CD4: variants seen among roughly 807,000 people sequenced by gnomAD.
CD4 encodes the protein T-cell surface glycoprotein CD4.
CD4 carries 25 observed loss-of-function variants against 50.5 expected under a neutral mutation model. The observed-to-expected ratio is 0.49, with a 90% CI of 0.36 to 0.69. The LOEUF is 0.69. Among genes scored for constraint, CD4 ranks in the 30% least tolerant of loss-of-function variants. The pLI is 0.00. For missense variants in CD4, 456 were observed against 548.5 expected, an observed-to-expected ratio of 0.83 and a Z score of 1.68; for synonymous variants, 207 against 221.9, an observed-to-expected ratio of 0.93 and a Z score of 0.60.
chr12:6,814,172 C>T lies in CD4; in HGVS notation c.245C>T (p.Ser82Leu). ...TCCAAGCTGAATGATCGCGCTGACT[C>T]AAGAAGAAGCCTTTGGGACCAAGGA... ...GPSKLNDRAD[S>L]RRSLWDQGNF... The change falls in exon 4 of 10, where the codon TCA becomes TTA. Residue 82 changes from serine (S) to leucine (L), a missense_variant. Transcript: ENST00000011653. 7 of 1,614,120 alleles carry T rather than the reference C, an allele frequency of 4.3e-6. No homozygotes were observed. The highest frequency in any genetic ancestry group is 5.9e-6 in the Non-Finnish European group (7 of 1,180,006).
At chr12:6,790,820 T>C (rs1156350080) in intron 1 of CD4, among the ~76,000 whole-genome samples, 1 of 152,238 alleles carries the variant, frequency 6.6e-6, no homozygotes, top group Non-Finnish European at 1.5e-5. Context: ...AAAGGCCCTG[T>C]TCTCAATAAT....
intron 2 of CD4, 24 bp from the exon 3 acceptor site, chr12:6,800,283 C>A: frequency 6.2e-7 from 1 of 1,613,724 alleles, no homozygotes; most frequent in Non-Finnish European, 8.5e-7. Flanking sequence ...ACATTGAGAC[C>A]TGACTCCTTT....
rs141558695 is a variant in CD4, at chr12:6,795,900, C to G, written c.-67-4172C>G. 8.5e-4 allele frequency among the ~76,000 whole-genome samples: 130 copies of G among 152,312 alleles called. 2 individuals carry two copies. The East Asian group carries it at 0.023, about 27-fold the overall frequency. ...TATGAGCCATGTGTGGCTGTCAGCC[C>G]CTTGGTGGAGAGCCACAGACAGGAT... On this transcript the variant is annotated intron_variant, in intron 1 of 9. Transcript: ENST00000011653.
At chr12:6,819,198 C>A in intron 9 of CD4, 101 bp from the exon 10 acceptor site, 1 of 1,195,682 alleles carries the variant, frequency 8.4e-7, no homozygotes, top group South Asian at 1.2e-5. Context: ...TGCTGGAAAG[C>A]CACTGGAGCT....
At position 6,811,984 on chromosome 12, in the gene CD4, T is replaced by A. The variant is rs1261257663; in HGVS notation, c.215-2158T>A. The stretch of plus-strand genomic sequence containing the variant: ...GCCACCACACCCAGCTAATTTTTTT[T>A]AAAATAATTTTTTTTAGAGACGAGG... On this transcript the variant is annotated intron_variant, in intron 3 of 9. Transcript: ENST00000011653. 3.8e-4 allele frequency among the ~76,000 whole-genome samples: 58 copies of A among 152,160 alleles called. 1 individual carries two copies. The highest frequency in any genetic ancestry group is 8.8e-5 in the Non-Finnish European group (6 of 68,036).
At chr12:6,793,301 G>A (rs1262072224) in intron 1 of CD4, among the ~76,000 whole-genome samples, 7 of 152,136 alleles carry the variant, frequency 4.6e-5, no homozygotes, top group Admixed American at 4.6e-4. Context: ...ATATGGGGAA[G>A]GGTCAAGAAT....
chr12:6,798,665 C>G (rs996633782), intron 1 of CD4, among the ~76,000 whole-genome samples: 3 of 152,204 alleles, frequency 2.0e-5, no homozygotes, highest in Non-Finnish European at 2.9e-5. Context: ...TCTGATCTCT[C>G]TTTCTTTTCC....
chr12:6,807,564 C>T (rs1404121286), intron 3 of CD4, among the ~76,000 whole-genome samples: 3 of 151,690 alleles, frequency 2.0e-5, no homozygotes, highest in African/African-American at 7.3e-5. Context: ...TTAAGGGGCT[C>T]AGGGATGGGG....
chr12:6,803,080 C>T (rs1942613075), intron 3 of CD4, among the ~76,000 whole-genome samples: 1 of 152,004 alleles, frequency 6.6e-6, no homozygotes, highest in African/African-American at 2.4e-5. Flanking sequence ...GAATACAAAA[C>T]TCTAAAACCC....
At chr12:6,809,916 G>GTC (rs59225160) in intron 3 of CD4, among the ~76,000 whole-genome samples, 1 of 142,234 alleles carries the variant, frequency 7.0e-6, no homozygotes, top group Non-Finnish European at 1.5e-5. Context: ...TTGAGATGGA[G>GTC]TCTCTCTCTC....
intron 3 of CD4, among the ~76,000 whole-genome samples, chr12:6,812,193 A>T (rs1193546960): frequency 6.6e-6 from 1 of 151,900 alleles, no homozygotes; most frequent in Non-Finnish European, 1.5e-5. Context: ...TGAGGTCAGG[A>T]GTTCGAGATC....
chr12:6,819,089 T>G (rs1591568727), intron 9 of CD4, among the ~76,000 whole-genome samples, 175 bp downstream of exon 9: 1 of 121,524 alleles, frequency 8.2e-6, no homozygotes, highest in Non-Finnish European at 1.7e-5. Context: ...TAAAGGGGTG[T>G]GGTGGAGAGG....
intron 3 of CD4, among the ~76,000 whole-genome samples, chr12:6,802,880 C>A (rs537221316): frequency 3.3e-5 from 5 of 151,812 alleles, no homozygotes; most frequent in Non-Finnish European, 5.9e-5. Context: ...ACTACAGACA[C>A]GTGCCACCAT....
intron 1 of CD4, among the ~76,000 whole-genome samples, chr12:6,793,260 C>T (rs1054742299): frequency 3.9e-5 from 6 of 152,112 alleles, no homozygotes; most frequent in African/African-American, 9.7e-5. Flanking sequence ...TACCTCAGGA[C>T]CATGGAGCTG....
In CD4 at chr12:6,818,418, C is replaced by T. The variant is rs782571060; in HGVS notation, c.1157-3C>T. ...GCATTGAGCACATTTCTCTCCCTTG[C>T]AGTTCTGCCCACATGGTCCACCCCG... is the stretch of plus-strand genomic sequence containing the variant. On this transcript the variant is annotated splice_polypyrimidine_tract_variant and splice_region_variant and intron_variant, in intron 7 of 9. Coordinates refer to ENST00000011653, the MANE Select transcript of CD4 (RefSeq NM_000616.5). The surrounding 1 kb of genome is among the most constrained non-coding windows in gnomAD (Gnocchi z 5.0). The T allele has an allele frequency of 1.9e-6, 3 of 1,612,228 alleles. No homozygotes were observed. Among genetic ancestry groups the T allele is most frequent in the Non-Finnish European group, 1.7e-6 (2 of 1,179,942 alleles).
intron 1 of CD4, among the ~76,000 whole-genome samples, chr12:6,797,259 C>T (rs1000828438): frequency 4.6e-5 from 7 of 152,060 alleles, no homozygotes; most frequent in Non-Finnish European, 8.8e-5. Context: ...CCCCCAGTCT[C>T]GCCTGTCTGC....
chr12:6,818,924 TG>T lies in CD4; in HGVS notation c.1346+13del. On this transcript the variant is annotated intron_variant, in intron 9 of 9. Transcript: ENST00000011653. The surrounding 1 kb of genome is among the most constrained non-coding windows in gnomAD (Gnocchi z 5.0). ...CCTGCCAGTGTCCTCAGTAAGGATCTGGGAGGAGGGGTTGAGAGAGGGGAAA... is the reference window on the plus strand; with the variant it reads ...CCTGCCAGTGTCCTCAGTAAGGATCTGGAGGAGGGGTTGAGAGAGGGGAAA... 7.1e-7 allele frequency: 1 copy of T among 1,417,496 alleles called. No homozygotes were observed. Among genetic ancestry groups the T allele is most frequent in the Non-Finnish European group, 9.6e-7 (1 of 1,039,888 alleles). 87.8% of individuals were successfully genotyped at this position (1,417,496 alleles called of 1,614,324 possible).
Position 6,818,933 on chromosome 12 carries a change from G to C in CD4, c.1346+19G>C. 6.8e-7 allele frequency: 1 copy of C among 1,473,290 alleles called. No individual in the cohort carries two copies. Among genetic ancestry groups the C allele is most frequent in the Non-Finnish European group, 9.5e-7 (1 of 1,056,218 alleles). 91.3% of individuals were successfully genotyped at this position (1,473,290 alleles called of 1,614,324 possible). A position where few individuals can be genotyped will look rare whatever the true frequency, so the allele number is the denominator to read the frequency against. On this transcript the variant is annotated intron_variant, in intron 9 of 9. Coordinates refer to ENST00000011653, the MANE Select transcript of CD4 (RefSeq NM_000616.5). This position sits in a 1 kb window ranked among gnomAD's most constrained non-coding sequence, Gnocchi z 5.0. ...GTCCTCAGTAAGGATCTGGGAGGAG[G>C]GGTTGAGAGAGGGGAAAGGGGGAGG...
At chr12:6,791,646 C>T (rs1330769211) in intron 1 of CD4, among the ~76,000 whole-genome samples, 2 of 152,108 alleles carry the variant, frequency 1.3e-5, no homozygotes, top group African/African-American at 2.4e-5. Flanking sequence ...TTTGAGAGGC[C>T]GAGGCAGGAG....
Sources: allele counts gnomAD v4.1 joint callset (sites outside exome capture counted in the v4.1 genomes callset), GRCh38; gene constraint gnomAD v4.1.1; non-coding constraint Gnocchi (gnomAD v3.1); transcripts MANE v1.5; gene names NCBI Gene and HGNC (gene_info 2026-07-23, HGNC 2026-07-21).